Variants in TXNRD2 observed in about 807,000 individuals in gnomAD.
TXNRD2 encodes the protein thioredoxin reductase 2, mitochondrial.
In TXNRD2, 67 loss-of-function variants were observed where a neutral mutation model predicts 70.8. The observed-to-expected ratio is 0.95, with a 90% CI of 0.78 to 1.16. TXNRD2 has a LOEUF of 1.16. TXNRD2 is among the 50% of genes most tolerant of loss of function. TXNRD2 has a pLI of 0.00. For synonymous variants in TXNRD2, 301 were observed against 295.8 expected (o/e 1.02, Z -0.18); for missense variants, 644 against 719.9 (o/e 0.89, Z 1.21).
At chr22:19,933,019 C>G (rs1941423562) in intron 1 of TXNRD2, among the ~76,000 whole-genome samples, 1 of 152,224 alleles carries the variant, frequency 6.6e-6, no homozygotes, top group South Asian at 2.1e-4. Context: ...AGAGCTGGAG[C>G]CTAGAGGAGC....
intron 2 of TXNRD2, among the ~76,000 whole-genome samples, chr22:19,921,148 C>T (rs1316763064): frequency 6.8e-6 from 1 of 146,040 alleles, no homozygotes; most frequent in Non-Finnish European, 1.5e-5. Flanking sequence ...GGCACAGTGG[C>T]TCACGCCTAT....
chr22:19,902,788 A>G (rs1939835702), intron 8 of TXNRD2, among the ~76,000 whole-genome samples: 1 of 152,194 alleles, frequency 6.6e-6, no homozygotes, highest in South Asian at 2.1e-4. Flanking sequence ...TGGTCTCCCT[A>G]TTGCTGAACA....
At chr22:19,909,636 A>C (rs1601435974) in intron 8 of TXNRD2, among the ~76,000 whole-genome samples, 6 of 67,264 alleles carry the variant, frequency 8.9e-5, no homozygotes, top group South Asian at 5.2e-4. Context: ...CTCACACACC[A>C]CTCACATACA....
intron 14 of TXNRD2, 71 bp downstream of exon 14, chr22:19,880,107 GC>G: frequency 1.3e-6 from 2 of 1,511,190 alleles, no homozygotes; most frequent in Non-Finnish European, 1.8e-6. Context: ...TGCTCACAAG[GC>G]CTCCGCCCAG....
chr22:19,939,199 T>C (rs1049686442), intron 1 of TXNRD2, among the ~76,000 whole-genome samples: 8 of 151,886 alleles, frequency 5.3e-5, no homozygotes, highest in Non-Finnish European at 1.0e-4. Flanking sequence ...CCCTCATACC[T>C]GATGAGATCT....
intron 2 of TXNRD2, among the ~76,000 whole-genome samples, chr22:19,927,529 C>T (rs923211836): frequency 1.3e-5 from 2 of 151,182 alleles, no homozygotes; most frequent in Non-Finnish European, 2.9e-5. Context: ...ATGGTGGCGC[C>T]TGTGGTCCCA....
At chr22:19,939,195 T>A (rs559613929) in intron 1 of TXNRD2, among the ~76,000 whole-genome samples, 2 of 152,052 alleles carry the variant, frequency 1.3e-5, no homozygotes, top group Admixed American at 1.3e-4. Flanking sequence ...ACTGCCCTCA[T>A]ACCTGATGAG....
At position 19,932,530 on chromosome 22, in the gene TXNRD2, C is replaced by T. The variant is rs1179174862; in HGVS notation, c.104-1432G>A. On this transcript the variant is annotated intron_variant, in intron 1 of 17. Coordinates refer to ENST00000400521, the MANE Select transcript of TXNRD2 (RefSeq NM_006440.5). ...AGGGAGGAAGTAGAGAGGGGAAGTACACTGAACTGGGCCTGAGGTCCGGGA... is the reference window on the plus strand; with the variant it reads ...AGGGAGGAAGTAGAGAGGGGAAGTATACTGAACTGGGCCTGAGGTCCGGGA... The T allele has an allele frequency of 1.9e-6, 3 of 1,538,528 alleles. No homozygotes were observed. The Admixed American group carries it at 5.5e-5, about 28-fold the overall frequency.
intron 8 of TXNRD2, among the ~76,000 whole-genome samples, chr22:19,909,350 TGAA>T (rs963478005): frequency 5.9e-5 from 9 of 152,104 alleles, no homozygotes; most frequent in African/African-American, 1.2e-4. Flanking sequence ...TTGATAATGA[TGAA>T]GAAGAGAAAC....
rs5992495 is a variant in TXNRD2, at chr22:19,895,461, T to A, written c.895A>T (p.Ser299Cys). 5.6e-6 allele frequency: 9 copies of A among 1,613,740 alleles called. No individual in the cohort carries two copies. The African/African-American group carries it at 6.7e-5, about 12-fold the overall frequency. Reference sequence around the variant, plus strand: ...CCCGTGTCCTCCTTGCCGGTGGTGCTGTCCTCCCAGGTGACCTGCAGCTGG... The same window carrying A: ...CCCGTGTCCTCCTTGCCGGTGGTGCAGTCCTCCCAGGTGACCTGCAGCTGG... ...DGQLQVTWED[S>C]TTGKEDTGTF... is the part of the protein sequence containing the mutation. The change falls in exon 11 of 18, where the codon AGC becomes TGC. Residue 299 changes from serine to cysteine, a missense_variant. Transcript: ENST00000400521.
At chr22:19,919,465 G>C (rs1385620312) in intron 3 of TXNRD2, 78 bp downstream of exon 3, 2 of 1,358,464 alleles carry the variant, frequency 1.5e-6, no homozygotes, top group Non-Finnish European at 2.1e-6. Context: ...TTTGGTGTCA[G>C]CTGCCCTCTG....
chr22:19,918,777 G>A (rs973102929), intron 4 of TXNRD2, 83 bp downstream of exon 4: 12 of 1,539,038 alleles, frequency 7.8e-6, no homozygotes, highest in Admixed American at 6.7e-5. Context: ...CCCCATGAGG[G>A]CTCATCGAGG....
chr22:19,909,936 TCACACACCA>T (rs1940323061), intron 8 of TXNRD2, among the ~76,000 whole-genome samples: 4 of 35,412 alleles, frequency 1.1e-4, no homozygotes, highest in African/African-American at 3.7e-4. Flanking sequence ...CACACACCAC[TCACACACCA>T]CACACACACA....
Position 19,877,247 on chromosome 22 carries a change from G to C in TXNRD2, c.1446-13C>G. Reference sequence around the variant, plus strand: ...GGAAGCCCCACACCTGCACATGGGGGATGGGGGAGGCAGGCGGGGTCAGCA... The same window carrying C: ...GGAAGCCCCACACCTGCACATGGGGCATGGGGGAGGCAGGCGGGGTCAGCA... On this transcript the variant is annotated splice_polypyrimidine_tract_variant and intron_variant, in intron 16 of 17. Coordinates refer to ENST00000400521, the MANE Select transcript of TXNRD2 (RefSeq NM_006440.5). 1 of 1,605,300 alleles carries C rather than the reference G, an allele frequency of 6.2e-7. No individual in the cohort carries two copies. Among genetic ancestry groups the C allele is most frequent in the South Asian group, 1.1e-5 (1 of 90,916 alleles).
chr22:19,885,211 C>T (rs1165796661), intron 11 of TXNRD2, among the ~76,000 whole-genome samples: 2 of 152,212 alleles, frequency 1.3e-5, no homozygotes. Context: ...TTTTCCCTCC[C>T]AACCCCAGGT....
chr22:19,903,556 G>A lies in TXNRD2; in HGVS notation c.663-4488C>T, dbSNP rs185533788. Among the ~76,000 whole-genome samples, 545 of 152,346 alleles carry A rather than the reference G, an allele frequency of 3.6e-3. 2 individuals carry two copies. The highest frequency in any genetic ancestry group is 0.012 in the African/African-American group (508 of 41,590). ...CGGGGCCCAAGTCCCTGCCGGGTGC[G>A]GAGGCTTCCCGGTGGAGGCAGCCCT... On this transcript the variant is annotated intron_variant, in intron 8 of 17. Coordinates refer to ENST00000400521, the MANE Select transcript of TXNRD2 (RefSeq NM_006440.5).
At chr22:19,937,039 C>T (rs564198979) in intron 1 of TXNRD2, among the ~76,000 whole-genome samples, 3 of 152,252 alleles carry the variant, frequency 2.0e-5, no homozygotes, top group East Asian at 1.9e-4. Context: ...TATGTTAAAA[C>T]GGTATTACAG....
At chr22:19,903,396 G>A (rs1939865920) in intron 8 of TXNRD2, among the ~76,000 whole-genome samples, 1 of 152,382 alleles carries the variant, frequency 6.6e-6, no homozygotes, top group South Asian at 2.1e-4. Flanking sequence ...GACACAGCAA[G>A]AGGGAGGACT....
At chr22:19,895,651 C>T (rs1335695163) in intron 10 of TXNRD2, 70 bp from the exon 11 acceptor site, 7 of 1,569,990 alleles carry the variant, frequency 4.5e-6, no homozygotes, top group Non-Finnish European at 8.6e-7. Context: ...CCCTGCCCTG[C>T]TCTCGAAGGC....
Sources: allele counts gnomAD v4.1 joint callset (sites outside exome capture counted in the v4.1 genomes callset), GRCh38; gene constraint gnomAD v4.1.1; transcripts MANE v1.5; gene names NCBI Gene and HGNC (gene_info 2026-07-23, HGNC 2026-07-21).